Variants in PDZD8 observed in about 807,000 individuals in gnomAD.
PDZD8 encodes the protein PDZ domain-containing protein 8.
In PDZD8, 14 loss-of-function variants were observed where a neutral mutation model predicts 85.8. The ratio of observed to expected loss-of-function variants is 0.16; its 90% CI spans 0.11 to 0.26. The LOEUF is 0.26. Among genes scored for constraint, PDZD8 ranks in the 10% least tolerant of loss-of-function variants. The pLI is 1.00. For missense variants in PDZD8, 1,197 were observed against 1,424.3 expected (o/e 0.84, Z 2.57); for synonymous variants, 592 against 568.6 (o/e 1.04, Z -0.59).
chr10:117,318,943 CCT>C lies in PDZD8; in HGVS notation c.1025_1026del (p.Glu342GlyfsTer8), dbSNP rs1292268126. 2 of 1,611,862 alleles carry C rather than the reference CCT, an allele frequency of 1.2e-6. No individual in the cohort carries two copies. Among genetic ancestry groups the C allele is most frequent in the South Asian group, 1.1e-5 (1 of 91,016 alleles). ...AACTCAAGTGTGCAATGAACATTTG[CCT>C]CTCTGTCATAGGATCCAAAAATGAG... ...RLLIFGSYDR[E>X]ANVHCTLELS... On this transcript the variant is annotated frameshift_variant, in exon 3 of 5. Coordinates refer to ENST00000334464, the MANE Select transcript of PDZD8 (RefSeq NM_173791.5). LOFTEE classifies it high-confidence loss of function.
At chr10:117,339,930 G>A (rs1352417740) in intron 2 of PDZD8, among the ~76,000 whole-genome samples, 1 of 152,172 alleles carries the variant, frequency 6.6e-6, no homozygotes, top group Non-Finnish European at 1.5e-5. Context: ...GAGTAATGGG[G>A]AAGCTGTTAA....
At chr10:117,310,598 T>C (rs1184476237) in intron 3 of PDZD8, among the ~76,000 whole-genome samples, 1 of 152,164 alleles carries the variant, frequency 6.6e-6, no homozygotes, top group African/African-American at 2.4e-5. Context: ...AAATGTTCCA[T>C]AGGATTTACT....
intron 3 of PDZD8, among the ~76,000 whole-genome samples, chr10:117,302,159 C>T (rs1328843031): frequency 6.6e-6 from 1 of 152,170 alleles, no homozygotes; most frequent in Non-Finnish European, 1.5e-5. Flanking sequence ...GTTTTAACAG[C>T]ACAAAAGATA....
intron 1 of PDZD8, among the ~76,000 whole-genome samples, chr10:117,356,670 G>A (rs1172029256): frequency 3.3e-5 from 5 of 152,290 alleles, no homozygotes; most frequent in African/African-American, 1.2e-4. Flanking sequence ...AGAATAATAT[G>A]TACTTTACTA....
At chr10:117,348,175 C>T (rs1844741455) in intron 1 of PDZD8, among the ~76,000 whole-genome samples, 2 of 152,108 alleles carry the variant, frequency 1.3e-5, no homozygotes, top group South Asian at 4.1e-4. Context: ...TTTTTCTTGT[C>T]ACTGCTTTGA....
intron 1 of PDZD8, among the ~76,000 whole-genome samples, chr10:117,352,354 T>C (rs998194339): frequency 6.6e-6 from 1 of 152,296 alleles, no homozygotes; most frequent in Admixed American, 6.5e-5. Context: ...CGAGAAAACT[T>C]TGTGACAATT....
At chr10:117,348,091 A>G (rs1844740042) in intron 1 of PDZD8, among the ~76,000 whole-genome samples, 1 of 152,184 alleles carries the variant, frequency 6.6e-6, no homozygotes. Context: ...AAACAGGTGA[A>G]CTGTATAGCA....
intron 2 of PDZD8, among the ~76,000 whole-genome samples, chr10:117,338,189 T>C (rs1247924772): frequency 6.6e-6 from 1 of 152,184 alleles, no homozygotes; most frequent in Non-Finnish European, 1.5e-5. Context: ...GAAAGAATGT[T>C]AGGACTTAAT....
At position 117,283,320 on chromosome 10, in the gene PDZD8, TGA is replaced by T. The variant is rs764935699; in HGVS notation, c.3411_3412del (p.Gln1138AlafsTer8). On this transcript the variant is annotated frameshift_variant, in exon 5 of 5. Transcript: ENST00000334464. LOFTEE classifies it high-confidence loss of function. ...GTCATCTGATATGCTGCTGAATGGC[TGA>T]GAGTCTATTAGTTGGCTTATTTCAT... 1 of 1,613,946 alleles carries T rather than the reference TGA, an allele frequency of 6.2e-7. No homozygotes were observed. Among genetic ancestry groups the T allele is most frequent in the Non-Finnish European group, 8.5e-7 (1 of 1,179,940 alleles).
intron 2 of PDZD8, among the ~76,000 whole-genome samples, chr10:117,328,599 G>A (rs1391233945): frequency 1.3e-5 from 2 of 151,596 alleles, no homozygotes; most frequent in African/African-American, 4.8e-5. Context: ...CTATGTTTTT[G>A]TAGAGAGAAG....
chr10:117,363,611 AATAG>A (rs1278119235), intron 1 of PDZD8, among the ~76,000 whole-genome samples: 1 of 152,204 alleles, frequency 6.6e-6, no homozygotes. Context: ...AAGTATACAT[AATAG>A]ATACTTAATA....
intron 3 of PDZD8, among the ~76,000 whole-genome samples, chr10:117,300,091 C>T (rs1482336872): frequency 1.3e-5 from 2 of 152,048 alleles, no homozygotes; most frequent in African/African-American, 4.8e-5. Context: ...AACACCTTTA[C>T]CCTCTCCTCC....
At chr10:117,313,421 G>C (rs985808525) in intron 3 of PDZD8, among the ~76,000 whole-genome samples, 1 of 152,086 alleles carries the variant, frequency 6.6e-6, no homozygotes, top group African/African-American at 2.4e-5. Context: ...GTGTCCACTA[G>C]AAAATCTAAA....
At chr10:117,334,834 C>A (rs1182681992) in intron 2 of PDZD8, among the ~76,000 whole-genome samples, 1 of 151,862 alleles carries the variant, frequency 6.6e-6, no homozygotes, top group Non-Finnish European at 1.5e-5. Flanking sequence ...CCAAAGTACA[C>A]AGAGAAAAAG....
intron 1 of PDZD8, among the ~76,000 whole-genome samples, chr10:117,371,039 T>C (rs1339474965): frequency 2.0e-5 from 3 of 152,054 alleles, no homozygotes; most frequent in Non-Finnish European, 4.4e-5. Context: ...TACTCCGAGC[T>C]CCATTTCCTC....
At chr10:117,303,600 A>G (rs1201513019) in intron 3 of PDZD8, among the ~76,000 whole-genome samples, 1 of 152,232 alleles carries the variant, frequency 6.6e-6, no homozygotes, top group Non-Finnish European at 1.5e-5. Context: ...CAGGCCATAT[A>G]GAGACCTTCA....
chr10:117,305,515 C>CACACACACACAT (rs1324004968), intron 3 of PDZD8, among the ~76,000 whole-genome samples: 1 of 135,936 alleles, frequency 7.4e-6, no homozygotes, highest in African/African-American at 2.6e-5. Context: ...CACACACACA[C>CACACACACACAT]ATATATGGAG....
At chr10:117,309,668 T>C (rs1844002347) in intron 3 of PDZD8, among the ~76,000 whole-genome samples, 1 of 152,154 alleles carries the variant, frequency 6.6e-6, no homozygotes, top group Non-Finnish European at 1.5e-5. Flanking sequence ...CCTCTACTTT[T>C]TCAGGTCTTT....
At chr10:117,371,428 G>T (rs895599385) in intron 1 of PDZD8, among the ~76,000 whole-genome samples, 9 of 152,102 alleles carry the variant, frequency 5.9e-5, no homozygotes, top group African/African-American at 9.7e-5. Context: ...TAAGTAATCC[G>T]CCTGTCTCAG....
Sources: gnomAD v4.1 joint callset for allele counts (sites outside exome capture counted in the v4.1 genomes callset) on GRCh38, gnomAD v4.1.1 for gene constraint, MANE v1.5 for transcripts, NCBI Gene and HGNC (gene_info 2026-07-23, HGNC 2026-07-21) for gene names.